The following DNAH17 variants were observed in gnomAD, a reference collection of about 807,000 sequenced individuals.
DNAH17 encodes dynein axonemal heavy chain 17.
DNAH17 carries 376 observed loss-of-function variants against 485.6 expected under a neutral mutation model. That is an observed-to-expected ratio of 0.77 (90% CI 0.71 to 0.84). DNAH17 has a LOEUF of 0.84. DNAH17 is among the 40% of genes least tolerant of loss of function. The probability of loss-of-function intolerance (pLI) is 0.00; values close to 1 mark genes in which losing one functional copy is unlikely to be tolerated. For missense variants in DNAH17, 6,370 were observed against 5,839.3 expected (o/e 1.09, Z -2.96); for synonymous variants, 3,031 against 2,405.9 (o/e 1.26, Z -7.60).
rs1471123181 is a variant in DNAH17, at chr17:78,514,783, C to T, written c.4104G>A (p.Gln1368=). The part of the protein sequence containing the change: ...IRERHWQQLM[Q]ATQVKFKMSE... The stretch of plus-strand genomic sequence containing the variant: ...CCATGGTGCATGGTACCTGGGTGGC[C>T]TGCATGAGCTGCTGCCAGTGGCGTT... The change falls in exon 26 of 81, where the codon CAG becomes CAA. Residue 1368 remains glutamine, a synonymous_variant. Transcript: ENST00000389840. 1 of 1,613,740 alleles carries T rather than the reference C, an allele frequency of 6.2e-7. No homozygotes were observed. Among genetic ancestry groups the T allele is most frequent in the Non-Finnish European group, 8.5e-7 (1 of 1,179,844 alleles).
rs745863332 is a variant in DNAH17 at position 78,514,765 on chromosome 17, G to A, written c.4113+9C>T. ...GGCGGTCCCCTCCGCCCACCATGGT[G>A]CATGGTACCTGGGTGGCCTGCATGA... On this transcript the variant is annotated intron_variant, in intron 26 of 80. Transcript: ENST00000389840. 6 of 1,612,950 alleles carry A rather than the reference G, an allele frequency of 3.7e-6. No homozygotes were observed. The highest frequency in any genetic ancestry group is 5.1e-6 in the Non-Finnish European group (6 of 1,179,416).
chr17:78,430,907 A>G (rs1627621), intron 75 of DNAH17, among the ~76,000 whole-genome samples: 24,208 of 149,812 alleles, frequency 0.16, 2,057 homozygotes, highest in Middle Eastern at 0.22. Context: ...TTTAGACAGG[A>G]TCTTGTTCCA....
intron 9 of DNAH17, 126 bp from the exon 10 acceptor site, chr17:78,567,292 A>C: frequency 6.5e-6 from 6 of 920,032 alleles, no homozygotes; most frequent in East Asian, 2.7e-5. Flanking sequence ...GACACCAACC[A>C]TGGGGGTGGG....
At chr17:78,473,284 C>G (rs1217900540) in intron 54 of DNAH17, among the ~76,000 whole-genome samples, 2 of 152,152 alleles carry the variant, frequency 1.3e-5, no homozygotes, top group African/African-American at 4.8e-5. Flanking sequence ...GTGGCTCACG[C>G]CTGTAATCCC....
intron 38 of DNAH17, 135 bp from the exon 39 acceptor site, chr17:78,495,232 T>G: frequency 8.4e-7 from 1 of 1,185,802 alleles, no homozygotes; most frequent in South Asian, 1.8e-5. Context: ...CCTTCGGTCC[T>G]GGAGCCGGGC....
intron 1 of DNAH17, among the ~76,000 whole-genome samples, 181 bp downstream of exon 1, chr17:78,577,114 G>C (rs1287198497): frequency 6.6e-6 from 1 of 152,152 alleles, no homozygotes; most frequent in South Asian, 2.1e-4. Context: ...GCTGGTACGT[G>C]GCAGCCAGCC....
chr17:78,544,956 C>CA (rs1044822636), intron 16 of DNAH17, among the ~76,000 whole-genome samples: 1 of 151,376 alleles, frequency 6.6e-6, no homozygotes, highest in Non-Finnish European at 1.5e-5. Flanking sequence ...TTTTTTTTGT[C>CA]AAAAAACAGT....
Position 78,571,690 on chromosome 17 carries a change from T to A in DNAH17, c.632A>T (p.Asp211Val). The A allele has an allele frequency of 6.2e-7, 1 of 1,613,908 alleles. No homozygotes were observed. Among genetic ancestry groups the A allele is most frequent in the South Asian group, 1.1e-5 (1 of 91,082 alleles). ...SHQIRDVLSK[D>V]SAQALLDGLH... Reference sequence around the variant, plus strand: ...CCCATCCAGCAGCGCCTGGGCTGAGTCTTTGCTCAGCACATCCCGGATCTG... The same window carrying A: ...CCCATCCAGCAGCGCCTGGGCTGAGACTTTGCTCAGCACATCCCGGATCTG... Residue 211 changes from aspartate to valine, a missense_variant, in exon 4 of 81, where the codon GAC becomes GTC. Coordinates refer to ENST00000389840, the MANE Select transcript of DNAH17 (RefSeq NM_173628.4).
At chr17:78,517,651 C>T (rs2090823622) in intron 25 of DNAH17, among the ~76,000 whole-genome samples, 1 of 152,196 alleles carries the variant, frequency 6.6e-6, no homozygotes, top group African/African-American at 2.4e-5. Flanking sequence ...CTGAATATCA[C>T]CCTCTCCACA....
At chr17:78,502,390 T>C (rs905817942) in intron 33 of DNAH17, 3 of 492,076 alleles carry the variant, frequency 6.1e-6, no homozygotes, top group Admixed American at 7.9e-5. Flanking sequence ...AAGGTGTCTG[T>C]TACTCGTGGG....
intron 25 of DNAH17, among the ~76,000 whole-genome samples, chr17:78,523,644 G>T (rs2090990483): frequency 6.6e-6 from 1 of 152,250 alleles, no homozygotes; most frequent in Admixed American, 6.5e-5. Context: ...GGAGGCTGAT[G>T]CCTGTAATAC....
intron 68 of DNAH17, 53 bp from the exon 69 acceptor site, chr17:78,449,637 C>T (rs1422852268): frequency 2.0e-6 from 3 of 1,509,524 alleles, no homozygotes; most frequent in Admixed American, 4.0e-5. Flanking sequence ...GAGCCCTTCA[C>T]CACTCCCCGC....
chr17:78,572,339 C>A (rs955828748), intron 3 of DNAH17, among the ~76,000 whole-genome samples: 7 of 152,180 alleles, frequency 4.6e-5, no homozygotes, highest in Admixed American at 1.3e-4. Flanking sequence ...ACTCACTGAC[C>A]CTGTCCCACA....
chr17:78,456,515 G>T (rs1410141965), intron 62 of DNAH17, among the ~76,000 whole-genome samples: 1 of 152,160 alleles, frequency 6.6e-6, no homozygotes, highest in Non-Finnish European at 1.5e-5. Context: ...GACAGAGCCC[G>T]GGTGAGGACC....
rs201143998 is a variant in DNAH17, at chr17:78,479,080, G to A, written c.7937C>T (p.Thr2646Met). Residue 2646 changes from threonine (T) to methionine (M), a missense_variant, in exon 51 of 81, where the codon ACG becomes ATG. Physicochemically the swap from Thr to Met is moderately conservative, Grantham distance 81. Transcript: ENST00000389840. ...HQKITATFLP[T>M]AIKFHYVFNL... is the part of the protein sequence containing the mutation. Reference sequence around the variant, plus strand: ...GAAGACATAATGAAACTTAATGGCCGTGGGAAGAAATGTTGCCGTGATTTT... The same window carrying A: ...GAAGACATAATGAAACTTAATGGCCATGGGAAGAAATGTTGCCGTGATTTT... The A allele has an allele frequency of 1.2e-4, 194 of 1,613,972 alleles. No individual in the cohort carries two copies. The highest frequency in any genetic ancestry group is 7.6e-4 in the African/African-American group (57 of 75,034).
At chr17:78,450,039 G>T in intron 68 of DNAH17, 1 of 585,946 alleles carries the variant, frequency 1.7e-6, no homozygotes, top group Non-Finnish European at 3.0e-6. Flanking sequence ...AGGGAGGAGG[G>T]AGCAGCTCAT....
chr17:78,445,745 C>T (rs945474889), intron 69 of DNAH17, 65 bp from the exon 70 acceptor site: 8 of 1,535,196 alleles, frequency 5.2e-6, no homozygotes, highest in East Asian at 2.4e-5. Context: ...CCTGAAGATG[C>T]GCGCTGGACT....
rs753664880 is a variant in DNAH17, at chr17:78,571,410, T to C, written c.733-32A>G. 5.1e-6 allele frequency: 8 copies of C among 1,577,142 alleles called. No individual in the cohort carries two copies. In the East Asian group the frequency reaches 1.6e-4, roughly 31 times the overall value. ...AGGGGAGTGAAGATCCACCTTTCATTGACCTGGAAGACCCTAAGGCGAGGC... is the reference window on the plus strand; with the variant it reads ...AGGGGAGTGAAGATCCACCTTTCATCGACCTGGAAGACCCTAAGGCGAGGC... On this transcript the variant is annotated intron_variant, in intron 4 of 80. Transcript: ENST00000389840.
intron 13 of DNAH17, among the ~76,000 whole-genome samples, chr17:78,560,403 C>T (rs1304855509): frequency 6.6e-6 from 1 of 152,084 alleles, no homozygotes; most frequent in Non-Finnish European, 1.5e-5. Context: ...CATCCCAGAG[C>T]CCACAAGTGT....
Sources: allele counts gnomAD v4.1 joint callset (sites outside exome capture counted in the v4.1 genomes callset), GRCh38; gene constraint gnomAD v4.1.1; transcripts MANE v1.5; gene names NCBI Gene and HGNC (gene_info 2026-07-23, HGNC 2026-07-21).